The following BIRC6 variants were observed in gnomAD, a reference collection of about 807,000 sequenced individuals.
The protein encoded by BIRC6 is baculoviral IAP repeat containing 6.
Under a neutral mutation model 503.3 loss-of-function variants are expected in BIRC6, and 98 were observed. That is an observed-to-expected ratio of 0.19 (90% CI 0.17 to 0.23). The LOEUF is 0.23. BIRC6 is among the 10% of genes least tolerant of loss of function. The pLI, the probability that BIRC6 is intolerant of heterozygous loss-of-function variation, is 1.00. For synonymous variants in BIRC6, 2,240 were observed against 2,078.7 expected (o/e 1.08, Z -2.11); for missense variants, 5,360 against 5,806.0 (o/e 0.92, Z 2.50).
At chr2:32,504,937 A>G (rs747217067) in intron 49 of BIRC6, 68 bp from the exon 50 acceptor site, 445 of 1,342,068 alleles carry the variant, frequency 3.3e-4, no homozygotes, top group Non-Finnish European at 4.5e-4. Flanking sequence ...TTGTATTTGT[A>G]TAGATTTTAA....
At chr2:32,397,173 A>T (rs1467786215) in intron 6 of BIRC6, among the ~76,000 whole-genome samples, 1 of 152,090 alleles carries the variant, frequency 6.6e-6, no homozygotes, top group African/African-American at 2.4e-5. Flanking sequence ...CTGAAACCAT[A>T]GAGAGTGAAG....
At chr2:32,362,735 A>T (rs760849118) in intron 1 of BIRC6, among the ~76,000 whole-genome samples, 3 of 152,186 alleles carry the variant, frequency 2.0e-5, no homozygotes, top group Non-Finnish European at 4.4e-5. Context: ...TAATAGTTAG[A>T]AAGGAGCTTG....
intron 45 of BIRC6, among the ~76,000 whole-genome samples, chr2:32,497,706 T>G (rs1572629432): frequency 1.3e-5 from 2 of 152,304 alleles, no homozygotes; most frequent in South Asian, 2.1e-4. Flanking sequence ...TATCTTTTTT[T>G]GGGGTCATTC....
intron 66 of BIRC6, among the ~76,000 whole-genome samples, chr2:32,589,470 C>G (rs771066624): frequency 2.6e-4 from 40 of 152,270 alleles, no homozygotes; most frequent in Non-Finnish European, 5.3e-4. Flanking sequence ...GCTGGATCTT[C>G]TAGCACTTTA....
At chr2:32,536,440 G>A (rs2057240821) in intron 61 of BIRC6, among the ~76,000 whole-genome samples, 1 of 152,136 alleles carries the variant, frequency 6.6e-6, no homozygotes, top group Non-Finnish European at 1.5e-5. Flanking sequence ...ATGGTTTTAG[G>A]TCTAACATTT....
At chr2:32,573,402 G>A (rs1271823720) in intron 65 of BIRC6, among the ~76,000 whole-genome samples, 1 of 152,030 alleles carries the variant, frequency 6.6e-6, no homozygotes, top group Non-Finnish European at 1.5e-5. Context: ...CACCATGTTG[G>A]CCAGGCTGGT....
chr2:32,519,046 C>T, intron 57 of BIRC6, 100 bp downstream of exon 57: 2 of 1,146,432 alleles, frequency 1.7e-6, no homozygotes, highest in South Asian at 3.1e-5. Flanking sequence ...CACTTTGCAA[C>T]CATTGATGAC....
At chr2:32,367,644 C>T (rs868173809) in intron 1 of BIRC6, among the ~76,000 whole-genome samples, 6 of 151,658 alleles carry the variant, frequency 4.0e-5, no homozygotes, top group South Asian at 2.1e-4. Flanking sequence ...GGTGAAACCC[C>T]GTCTCTACTA....
At chr2:32,369,920 G>C (rs1423143223) in intron 1 of BIRC6, among the ~76,000 whole-genome samples, 1 of 57,774 alleles carries the variant, frequency 1.7e-5, no homozygotes, top group Non-Finnish European at 2.9e-5. Context: ...GTGAGACCCT[G>C]TCTCTTAAAA....
intron 51 of BIRC6, 73 bp from the exon 52 acceptor site, chr2:32,509,665 T>A: frequency 6.5e-7 from 1 of 1,545,724 alleles, no homozygotes; most frequent in Non-Finnish European, 8.8e-7. Flanking sequence ...TGCTGATCTT[T>A]AAAAAGTTAT....
At chr2:32,366,495 T>C (rs1327840254) in intron 1 of BIRC6, among the ~76,000 whole-genome samples, 2 of 152,228 alleles carry the variant, frequency 1.3e-5, no homozygotes, top group African/African-American at 2.4e-5. Flanking sequence ...GTTGTAACTA[T>C]ACTTACATTG....
chr2:32,586,146 A>G (rs915913506), intron 66 of BIRC6, among the ~76,000 whole-genome samples: 2 of 152,070 alleles, frequency 1.3e-5, no homozygotes, highest in African/African-American at 4.8e-5. Context: ...TTCATTGATC[A>G]TTAGGATTCA....
intron 1 of BIRC6, among the ~76,000 whole-genome samples, chr2:32,367,517 G>A (rs756697138): frequency 4.0e-5 from 6 of 151,852 alleles, no homozygotes; most frequent in Non-Finnish European, 8.8e-5. Flanking sequence ...CTGGGACAGC[G>A]CTGTTAAAAA....
intron 66 of BIRC6, among the ~76,000 whole-genome samples, chr2:32,576,739 C>A (rs1267825009): frequency 6.6e-6 from 1 of 152,192 alleles, no homozygotes; most frequent in East Asian, 1.9e-4. Context: ...AATGTGTTGT[C>A]ATTATCACTT....
chr2:32,602,781 G>A (rs1297573617), intron 70 of BIRC6: 8 of 445,938 alleles, frequency 1.8e-5, no homozygotes, highest in Non-Finnish European at 3.2e-5. Context: ...CATATAATAG[G>A]TGCTGGTCTG....
rs372598939 is a variant in BIRC6, at chr2:32,401,149, A to G, written c.1035-14A>G. ...TATTTTTAGTAAACTTTTCCTTTCT[A>G]AATCTATGCAAAGGTCTGAACACGA... On this transcript the variant is annotated splice_polypyrimidine_tract_variant and intron_variant, in intron 6 of 73. Coordinates refer to ENST00000421745, the MANE Select transcript of BIRC6 (RefSeq NM_016252.4). 3.7e-6 allele frequency: 6 copies of G among 1,605,972 alleles called. No homozygotes were observed. Among genetic ancestry groups the G allele is most frequent in the South Asian group, 3.3e-5 (3 of 90,442 alleles).
At chr2:32,501,205 A>G (rs1288585447) in intron 46 of BIRC6, among the ~76,000 whole-genome samples, 1 of 151,928 alleles carries the variant, frequency 6.6e-6, no homozygotes, top group Non-Finnish European at 1.5e-5. Context: ...GCCTGTTGGT[A>G]TTTTTTTCTT....
At chr2:32,482,406 A>C (rs771154210) in intron 38 of BIRC6, 23 bp from the exon 39 acceptor site, 1 of 1,602,384 alleles carries the variant, frequency 6.2e-7, no homozygotes, top group Non-Finnish European at 8.5e-7. Context: ...AATAAACCAC[A>C]GTTTTTTTTC....
chr2:32,495,412 A>T (rs2052323630), intron 45 of BIRC6, among the ~76,000 whole-genome samples: 1 of 152,180 alleles, frequency 6.6e-6, no homozygotes, highest in South Asian at 2.1e-4. Flanking sequence ...GTTTGTTTTT[A>T]ATAAAGGCTC....
Sources: allele counts gnomAD v4.1 joint callset (sites outside exome capture counted in the v4.1 genomes callset), GRCh38; gene constraint gnomAD v4.1.1; transcripts MANE v1.5; gene names NCBI Gene and HGNC (gene_info 2026-07-23, HGNC 2026-07-21).